WDFY3: variants seen among roughly 807,000 people sequenced by gnomAD.
WDFY3 encodes the protein WD repeat and FYVE domain-containing protein 3.
In WDFY3, 66 loss-of-function variants were observed where a neutral mutation model predicts 409.6. The ratio of observed to expected loss-of-function variants is 0.16; its 90% CI spans 0.13 to 0.20. The LOEUF (loss-of-function observed/expected upper bound fraction) is 0.20, where lower values mean the gene tolerates loss of function less well. Ranked by LOEUF, WDFY3 falls within the 10% of genes least tolerant of loss-of-function variation. The probability of loss-of-function intolerance (pLI) is 1.00; values close to 1 mark genes in which losing one functional copy is unlikely to be tolerated. For synonymous variants in WDFY3, 1,521 were observed against 1,537.1 expected, an observed-to-expected ratio of 0.99 and a Z score of 0.25; for missense variants, 3,031 against 4,298.1, an observed-to-expected ratio of 0.71 and a Z score of 8.24.
intron 1 of WDFY3, among the ~76,000 whole-genome samples, chr4:84,961,439 A>T (rs1421679388): frequency 6.6e-6 from 1 of 152,088 alleles, no homozygotes; most frequent in Non-Finnish European, 1.5e-5. Context: ...AAATTTTTTA[A>T]TTCTAATTTT....
intron 39 of WDFY3, among the ~76,000 whole-genome samples, chr4:84,739,618 C>A (rs1373499811): frequency 6.6e-6 from 1 of 152,122 alleles, no homozygotes; most frequent in Non-Finnish European, 1.5e-5. Flanking sequence ...TGCAGCTCAG[C>A]AGGTATTTCT....
At chr4:84,853,548 T>C (rs1330695564) in intron 4 of WDFY3, among the ~76,000 whole-genome samples, 2 of 152,192 alleles carry the variant, frequency 1.3e-5, no homozygotes, top group African/African-American at 4.8e-5. Flanking sequence ...ATTTTGCTCC[T>C]AAGAATTAGT....
At chr4:84,940,654 A>G (rs1771989602) in intron 1 of WDFY3, among the ~76,000 whole-genome samples, 2 of 152,062 alleles carry the variant, frequency 1.3e-5, no homozygotes. Flanking sequence ...GATTGAAGAA[A>G]GCTCTTCCCA....
chr4:84,808,879 A>G (rs1751995840), intron 14 of WDFY3: 1 of 152,260 alleles, frequency 6.6e-6, no homozygotes, highest in Non-Finnish European at 1.5e-5. Context: ...ATTGTTGTCA[A>G]AGCTGTTTGG....
At chr4:84,949,997 C>T (rs1192097876) in intron 1 of WDFY3, among the ~76,000 whole-genome samples, 3 of 152,084 alleles carry the variant, frequency 2.0e-5, no homozygotes, top group Admixed American at 6.6e-5. Context: ...TGGAACCAAC[C>T]CAAATGTCCA....
At chr4:84,907,594 G>T (rs1478009459) in intron 2 of WDFY3, among the ~76,000 whole-genome samples, 1 of 152,096 alleles carries the variant, frequency 6.6e-6, no homozygotes, top group African/African-American at 2.4e-5. Context: ...CCTAAGCCAG[G>T]GCCACCTAGT....
chr4:84,872,583 A>C (rs1578914737), intron 3 of WDFY3, among the ~76,000 whole-genome samples: 1 of 152,208 alleles, frequency 6.6e-6, no homozygotes. Flanking sequence ...CAAATGCAAC[A>C]AATAGAACAC....
chr4:84,953,776 G>C (rs1242594279), intron 1 of WDFY3, among the ~76,000 whole-genome samples: 2 of 151,854 alleles, frequency 1.3e-5, no homozygotes, highest in Non-Finnish European at 2.9e-5. Flanking sequence ...GATTCACTGA[G>C]AGTGAAATCT....
At chr4:84,879,902 G>A (rs553156043) in intron 3 of WDFY3, among the ~76,000 whole-genome samples, 1 of 152,286 alleles carries the variant, frequency 6.6e-6, no homozygotes, top group Admixed American at 6.5e-5. Context: ...AGTCATAAAT[G>A]AAATGCAAAT....
Position 84,691,680 on chromosome 4 carries a change from C to G in WDFY3, c.9155G>C (p.Trp3052Ser), listed in dbSNP as rs760075096. 6.8e-6 allele frequency: 11 copies of G among 1,613,984 alleles called. No individual in the cohort carries two copies. The highest frequency in any genetic ancestry group is 1.3e-5 in the African/African-American group (1 of 74,902). ...TCTGCAACTGAGGTCTGCATAGCCCCAAGCAAAAGTTTTATTCCAGGTTGG... is the reference window on the plus strand; with the variant it reads ...TCTGCAACTGAGGTCTGCATAGCCCGAAGCAAAAGTTTTATTCCAGGTTGG... ...IPPTWNKTFAWGYADLSCRLG... is the reference protein window; with the variant it reads ...IPPTWNKTFASGYADLSCRLG... Residue 3052 changes from tryptophan to serine, a missense_variant, in exon 60 of 68, where the codon TGG (tryptophan) becomes TCG (serine). Coordinates refer to ENST00000295888, the MANE Select transcript of WDFY3 (RefSeq NM_014991.6).
At chr4:84,709,255 C>T (rs775456337) in intron 52 of WDFY3, 38 bp downstream of exon 52, 33 of 1,571,286 alleles carry the variant, frequency 2.1e-5, no homozygotes, top group Non-Finnish European at 2.4e-5. Flanking sequence ...ACTCTAATTA[C>T]GAACTTCTAA....
chr4:84,766,368 A>T lies in WDFY3; in HGVS notation c.4854T>A (p.Thr1618=), dbSNP rs750393703. 10 of 1,583,502 alleles carry T rather than the reference A, an allele frequency of 6.3e-6. No homozygotes were observed. The highest frequency in any genetic ancestry group is 8.5e-6 in the Non-Finnish European group (10 of 1,171,696). Residue 1618 remains threonine, a synonymous_variant, in exon 31 of 68, where the codon ACT becomes ACA. Coordinates refer to ENST00000295888, the MANE Select transcript of WDFY3 (RefSeq NM_014991.6). ...INNEEKLDTG[T]EEEFGGLVSA... Reference sequence around the variant, plus strand: ...ATACAAGACCTCCAAACTCCTCTTCAGTTCCTAAAATAAAAATAAATACAT... The same window carrying T: ...ATACAAGACCTCCAAACTCCTCTTCTGTTCCTAAAATAAAAATAAATACAT...
chr4:84,741,395 A>G (rs553179724), intron 38 of WDFY3, among the ~76,000 whole-genome samples: 26 of 151,374 alleles, frequency 1.7e-4, no homozygotes, highest in Admixed American at 1.2e-3. Context: ...GCTCACTGCA[A>G]CCTCCACCTC....
At chr4:84,886,426 T>C (rs975944245) in intron 3 of WDFY3, 3 of 152,160 alleles carry the variant, frequency 2.0e-5, no homozygotes, top group African/African-American at 7.2e-5. Flanking sequence ...GTCATCCTTG[T>C]GCAGGAGCCA....
chr4:84,776,285 C>T (rs1271364450), intron 27 of WDFY3, among the ~76,000 whole-genome samples: 1 of 151,866 alleles, frequency 6.6e-6, no homozygotes, highest in East Asian at 1.9e-4. Context: ...AAAAATTGTA[C>T]ATGGCATTGC....
At chr4:84,766,394 T>C (rs1162260680) in intron 30 of WDFY3, 22 bp from the exon 31 acceptor site, 2 of 1,570,500 alleles carry the variant, frequency 1.3e-6, no homozygotes, top group African/African-American at 2.8e-5. Context: ...ATAAATACAT[T>C]AAATCTCCCT....
intron 51 of WDFY3, 133 bp downstream of exon 51, chr4:84,713,026 T>C (rs1244916700): frequency 4.6e-5 from 39 of 846,410 alleles, no homozygotes; most frequent in Non-Finnish European, 5.0e-5. Context: ...CCTTTAGTTT[T>C]CAGTATTTTT....
intron 13 of WDFY3, among the ~76,000 whole-genome samples, chr4:84,814,989 G>A (rs932116889): frequency 1.3e-5 from 2 of 152,002 alleles, no homozygotes; most frequent in East Asian, 3.9e-4. Flanking sequence ...TGTTTCCCAC[G>A]CACATATGAG....
In WDFY3 at chr4:84,755,282, C is replaced by T. The variant is rs1384921802; in HGVS notation, c.5543G>A (p.Arg1848His). 3 of 1,612,768 alleles carry T rather than the reference C, an allele frequency of 1.9e-6. No individual in the cohort carries two copies. Among genetic ancestry groups the T allele is most frequent in the South Asian group, 1.1e-5 (1 of 90,832 alleles). Residue 1848 changes from arginine (R) to histidine (H), a missense_variant, in exon 34 of 68, where the codon CGC (arginine) becomes CAC (histidine). Arg to His is a conservative substitution (Grantham distance 29). This residue lies in a region of WDFY3 where 342 missense variants were observed against 463.7 expected (regional missense o/e 0.74). Transcript: ENST00000295888. ...TGAACTTACTGAAGTCAGCATGCTG[C>T]GGAGCATTCCCAATAATAAAAAAAC... ...EAVFLLLGML[R>H]SMLTSPWQSE...
Sources: gnomAD v4.1 joint callset for allele counts (sites outside exome capture counted in the v4.1 genomes callset) on GRCh38, gnomAD v4.1.1 for gene constraint, gnomAD v4.1.1 regional missense constraint, MANE v1.5 for transcripts, NCBI Gene and HGNC (gene_info 2026-07-23, HGNC 2026-07-21) for gene names.